The following MAD1L1 variants were observed in gnomAD, a reference collection of about 807,000 sequenced individuals.
The protein encoded by MAD1L1 is mitotic arrest deficient 1 like 1.
In MAD1L1, 95 loss-of-function variants were observed where a neutral mutation model predicts 96.9. The ratio of observed to expected loss-of-function variants is 0.98; its 90% confidence interval spans 0.83 to 1.16. The LOEUF is 1.16. Ranked by LOEUF, MAD1L1 falls within the 50% of genes most tolerant of loss-of-function variation. The pLI, the probability that MAD1L1 is intolerant of heterozygous loss-of-function variation, is 0.00. For missense variants in MAD1L1, 1,007 were observed against 954.4 expected (o/e 1.06, Z -0.73); for synonymous variants, 473 against 396.6 (o/e 1.19, Z -2.29).
chr7:1,933,814 A>C (rs1789619699), intron 17 of MAD1L1, among the ~76,000 whole-genome samples: 1 of 152,154 alleles, frequency 6.6e-6, no homozygotes. Context: ...TTAATTCAGC[A>C]ATCAAGCCTC....
At chr7:1,872,261 C>T (rs1267468541) in intron 18 of MAD1L1, among the ~76,000 whole-genome samples, 3 of 152,202 alleles carry the variant, frequency 2.0e-5, no homozygotes, top group South Asian at 2.1e-4. Flanking sequence ...TAGAGAGGAT[C>T]GGGGCCACAC....
intron 18 of MAD1L1, among the ~76,000 whole-genome samples, chr7:1,837,446 G>A (rs185626940): frequency 2.0e-5 from 3 of 152,276 alleles, no homozygotes; most frequent in Admixed American, 6.5e-5. Flanking sequence ...AAGCAGTTCC[G>A]ATTTAGCCAA....
At chr7:1,900,104 G>A (rs1032054646) in intron 17 of MAD1L1, among the ~76,000 whole-genome samples, 3 of 152,152 alleles carry the variant, frequency 2.0e-5, no homozygotes, top group African/African-American at 4.8e-5. Flanking sequence ...CCCCGATGGC[G>A]TGAGCTCAGT....
intron 15 of MAD1L1, among the ~76,000 whole-genome samples, chr7:1,969,147 G>A (rs1188997572): frequency 6.6e-6 from 1 of 152,184 alleles, no homozygotes; most frequent in African/African-American, 2.4e-5. Flanking sequence ...ACTTTGGGAG[G>A]CCGAGGTGAG....
chr7:1,884,061 A>G (rs1263525341), intron 18 of MAD1L1, among the ~76,000 whole-genome samples: 1 of 104,874 alleles, frequency 9.5e-6, no homozygotes, highest in East Asian at 2.6e-4. Context: ...CGCCAGAGCG[A>G]GCAGCTCATT....
rs1355492012 is a variant in MAD1L1 at position 2,213,285 on chromosome 7, A to G, written c.925-12T>C. The G allele has an allele frequency of 2.5e-6, 4 of 1,613,612 alleles. No homozygotes were observed. Among genetic ancestry groups the G allele is most frequent in the Non-Finnish European group, 3.4e-6 (4 of 1,179,678 alleles). On this transcript the variant is annotated splice_polypyrimidine_tract_variant and intron_variant, in intron 9 of 18. Transcript: ENST00000265854. ...TTGGCCAGCAGCCTCTGAAAAGACA[A>G]CAAAAGCACAGACCCTGTCATCACC... is the stretch of plus-strand genomic sequence containing the variant.
chr7:1,924,080 G>A (rs1227781633), intron 17 of MAD1L1, among the ~76,000 whole-genome samples: 1 of 152,242 alleles, frequency 6.6e-6, no homozygotes, highest in African/African-American at 2.4e-5. Flanking sequence ...ACAGAAACCT[G>A]CCAGGGAAAA....
At chr7:1,859,265 T>A (rs1256306349) in intron 18 of MAD1L1, among the ~76,000 whole-genome samples, 1 of 152,216 alleles carries the variant, frequency 6.6e-6, no homozygotes, top group African/African-American at 2.4e-5. Context: ...GCAGCTGTGA[T>A]GATCAGAACC....
At chr7:1,866,969 G>A (rs368917933) in intron 18 of MAD1L1, among the ~76,000 whole-genome samples, 18 of 152,312 alleles carry the variant, frequency 1.2e-4, no homozygotes, top group African/African-American at 3.8e-4. Context: ...GGTGCAGCTC[G>A]GAGGTAGGGG....
chr7:2,014,514 G>C lies in MAD1L1; in HGVS notation c.1347C>G (p.Ser449Arg). 6.3e-7 allele frequency: 1 copy of C among 1,594,980 alleles called. No homozygotes were observed. ...CGCGGCCCCTCACCTCCATCTCGGC[G>C]CTGTGGCTGTGCACCTTCTGCACCA... ...EDMVQKVHSH[S>R]AEMEAQLSQA... is the part of the protein sequence containing the mutation. Residue 449 changes from serine to arginine, a missense_variant, in exon 13 of 19, where the codon AGC becomes AGG. Coordinates refer to ENST00000265854, the MANE Select transcript of MAD1L1 (RefSeq NM_001013836.2).
At chr7:2,120,507 G>A (rs534387127) in intron 11 of MAD1L1, among the ~76,000 whole-genome samples, 3 of 152,210 alleles carry the variant, frequency 2.0e-5, no homozygotes, top group African/African-American at 4.8e-5. Flanking sequence ...GGAGGCACTC[G>A]CAGTGCAGGA....
chr7:2,093,342 T>G (rs1414498671), intron 11 of MAD1L1, among the ~76,000 whole-genome samples: 1 of 151,440 alleles, frequency 6.6e-6, no homozygotes, highest in African/African-American at 2.4e-5. Context: ...TCACAAAAGA[T>G]TAAACAAAAC....
At chr7:2,090,454 C>T (rs1291160675) in intron 11 of MAD1L1, among the ~76,000 whole-genome samples, 3 of 152,190 alleles carry the variant, frequency 2.0e-5, no homozygotes, top group Non-Finnish European at 4.4e-5. Flanking sequence ...AGTGAGTTCC[C>T]AGGAACCCAG....
At chr7:2,066,480 C>T (rs1390439898) in intron 12 of MAD1L1, among the ~76,000 whole-genome samples, 1 of 152,246 alleles carries the variant, frequency 6.6e-6, no homozygotes, top group African/African-American at 2.4e-5. Flanking sequence ...GCCCGGCGAT[C>T]AATACCCACC....
At chr7:1,847,232 G>C (rs1194619331) in intron 18 of MAD1L1, 2 of 470,682 alleles carry the variant, frequency 4.2e-6, no homozygotes, top group Admixed American at 2.3e-5. Context: ...ACTGACGCTT[G>C]TCCTTTTCTG....
At chr7:2,129,449 T>C (rs968958330) in intron 11 of MAD1L1, among the ~76,000 whole-genome samples, 4 of 152,180 alleles carry the variant, frequency 2.6e-5, no homozygotes, top group Non-Finnish European at 4.4e-5. Flanking sequence ...CGGCTCCTGC[T>C]AGGCAGCGCC....
In MAD1L1 at chr7:2,204,060, G is replaced by A. The variant is rs1584540948; in HGVS notation, c.986+9152C>T. Among the ~76,000 whole-genome samples the A allele has an allele frequency of 2.0e-5, 3 of 152,206 alleles. 1 individual carries two copies. In the South Asian group the frequency reaches 6.2e-4, roughly 32 times the overall value. ...CAGCTTGTTCTGCTTTTCATCAAAT[G>A]TGAAACTCCTTGACCCTCTGCAGCC... On this transcript the variant is annotated intron_variant, in intron 10 of 18. Transcript: ENST00000265854.
At chr7:2,092,482 C>T (rs1236568217) in intron 11 of MAD1L1, among the ~76,000 whole-genome samples, 6 of 151,814 alleles carry the variant, frequency 4.0e-5, no homozygotes, top group Admixed American at 1.3e-4. Flanking sequence ...TTTTCAACCA[C>T]GCCCCGCCTA....
intron 18 of MAD1L1, among the ~76,000 whole-genome samples, chr7:1,837,817 C>T (rs1283215705): frequency 6.6e-6 from 1 of 152,208 alleles, no homozygotes; most frequent in African/African-American, 2.4e-5. Flanking sequence ...CTGCACAGGG[C>T]CTGGGATCTG....
Sources: gnomAD v4.1 joint callset for allele counts (sites outside exome capture counted in the v4.1 genomes callset) on GRCh38, gnomAD v4.1.1 for gene constraint, MANE v1.5 for transcripts, NCBI Gene and HGNC (gene_info 2026-07-23, HGNC 2026-07-21) for gene names.